The following ASAH2 variants were observed in gnomAD, a reference collection of about 807,000 sequenced individuals.
ASAH2 encodes the protein neutral ceramidase.
ASAH2 carries 58 observed loss-of-function variants against 82.9 expected under a neutral mutation model. The ratio of observed to expected loss-of-function variants is 0.70; its 90% CI spans 0.57 to 0.87. ASAH2 has a LOEUF of 0.87. Among genes scored for constraint, ASAH2 ranks in the 40% least tolerant of loss-of-function variants. ASAH2 has a pLI of 0.00. For missense variants in ASAH2, 779 were observed against 834.0 expected (o/e 0.93, Z 0.81); for synonymous variants, 276 against 289.7 (o/e 0.95, Z 0.48).
intron 7 of ASAH2, among the ~76,000 whole-genome samples, chr10:50,230,886 T>A (rs958972283): frequency 3.8e-4 from 57 of 151,570 alleles, no homozygotes; most frequent in African/African-American, 1.4e-3. Context: ...CAAAAAATTT[T>A]AAAAAATAGC....
intron 7 of ASAH2, among the ~76,000 whole-genome samples, chr10:50,220,226 T>A (rs1845705395): frequency 6.6e-6 from 1 of 152,226 alleles, no homozygotes; most frequent in South Asian, 2.1e-4. Context: ...TTGTTGGTTG[T>A]AATAAATGAT....
chr10:50,193,153 C>T (rs1474002052), intron 18 of ASAH2, among the ~76,000 whole-genome samples: 75 of 140,336 alleles, frequency 5.3e-4, no homozygotes, highest in African/African-American at 1.8e-3. Context: ...ATTTATCCTC[C>T]CCCCTGAAAC....
At chr10:50,200,547 T>G (rs1468574278) in intron 16 of ASAH2, among the ~76,000 whole-genome samples, 66 of 152,184 alleles carry the variant, frequency 4.3e-4, no homozygotes, top group African/African-American at 1.5e-3. Context: ...GTCCCAGTCC[T>G]CAAATACCCA....
At chr10:50,229,624 C>G (rs1845976934) in intron 7 of ASAH2, among the ~76,000 whole-genome samples, 1 of 152,138 alleles carries the variant, frequency 6.6e-6, no homozygotes, top group Admixed American at 6.6e-5. Context: ...GTCATGCCAT[C>G]TAATCTCTAT....
chr10:50,218,102 T>C (rs1184725663), intron 8 of ASAH2, among the ~76,000 whole-genome samples: 6 of 150,190 alleles, frequency 4.0e-5, no homozygotes, highest in African/African-American at 1.5e-4. Flanking sequence ...CCAGCTTGGG[T>C]GATAGAGTGA....
intron 3 of ASAH2, among the ~76,000 whole-genome samples, chr10:50,243,779 C>T (rs1846371120): frequency 6.6e-6 from 1 of 152,156 alleles, no homozygotes; most frequent in African/African-American, 2.4e-5. Flanking sequence ...TCCCACATTG[C>T]CCAGGAACAT....
intron 8 of ASAH2, among the ~76,000 whole-genome samples, chr10:50,217,572 G>GA (rs1845638624): frequency 6.6e-6 from 1 of 152,230 alleles, no homozygotes; most frequent in Admixed American, 6.5e-5. Flanking sequence ...AATATTCTGA[G>GA]AAAATTTTTA....
chr10:50,247,255 C>A (rs1403350433), intron 2 of ASAH2, among the ~76,000 whole-genome samples: 2 of 151,806 alleles, frequency 1.3e-5, no homozygotes, highest in African/African-American at 4.8e-5. Flanking sequence ...TGGGTTCAAG[C>A]GATTCTCCTG....
intron 7 of ASAH2, among the ~76,000 whole-genome samples, chr10:50,221,937 A>T (rs1845760658): frequency 6.6e-6 from 1 of 152,152 alleles, no homozygotes. Context: ...GTCTTAAAAG[A>T]TGAGGAAGAG....
Position 50,236,021 on chromosome 10 carries a change from C to A in ASAH2, c.554G>T (p.Arg185Ile). The change falls in exon 5 of 21, where the codon AGA becomes ATA. Residue 185 changes from arginine (R) to isoleucine (I), a missense_variant. Arg to Ile is a moderately conservative substitution (Grantham distance 97, BLOSUM62 -3). Around this residue, in one of 3 missense-constraint regions of ASAH2, gnomAD observed 759 missense variants for 755.2 expected, o/e 1.00. Transcript: ENST00000682911. The part of the protein sequence containing the change: ...LQSKYGSLYR[R>I]DNVILSGTHT... ...AGTGCCACTCAGGATGACATTATCT[C>A]TTCTGTACAGGGAGCCATATTTACT... 4 of 1,613,278 alleles carry A rather than the reference C, an allele frequency of 2.5e-6. No individual in the cohort carries two copies. Among genetic ancestry groups the A allele is most frequent in the Non-Finnish European group, 3.4e-6 (4 of 1,179,422 alleles).
intron 18 of ASAH2, among the ~76,000 whole-genome samples, chr10:50,193,499 A>G (rs75207790): frequency 0.94 from 140,535 of 149,438 alleles, 66,469 homozygotes; most frequent in East Asian, 1. Flanking sequence ...CTGGAAGCCA[A>G]GAAAAGAATG....
intron 4 of ASAH2, among the ~76,000 whole-genome samples, chr10:50,241,448 G>C (rs1202840181): frequency 2.0e-5 from 3 of 151,984 alleles, no homozygotes; most frequent in African/African-American, 7.3e-5. Context: ...GAGATGAATT[G>C]TGACATATTT....
intron 4 of ASAH2, among the ~76,000 whole-genome samples, chr10:50,239,091 C>T (rs929003958): frequency 3.3e-5 from 5 of 152,166 alleles, no homozygotes; most frequent in African/African-American, 1.2e-4. Flanking sequence ...CTCACTGACA[C>T]TCTTGGGAGC....
At position 50,202,742 on chromosome 10, in the gene ASAH2, GGAA is replaced by G; in HGVS notation, c.1761+84_1761+86del. On this transcript the variant is annotated intron_variant, in intron 16 of 20. Transcript: ENST00000682911. ...TAATCATCTCTCAGAAACATGACTG[GGAA>G]AGTTTACAAAGCAAGTCTGCATTTG... is the stretch of plus-strand genomic sequence containing the variant. The G allele has an allele frequency of 3.2e-6, 3 of 938,612 alleles. No individual in the cohort carries two copies. In the South Asian group the frequency reaches 3.9e-5, roughly 12 times the overall value. 58.1% of individuals were successfully genotyped at this position (938,612 alleles called of 1,614,324 possible).
chr10:50,209,749 A>G (rs1845402908), intron 12 of ASAH2, among the ~76,000 whole-genome samples: 1 of 152,234 alleles, frequency 6.6e-6, no homozygotes, highest in South Asian at 2.1e-4. Flanking sequence ...CATTTCTCCA[A>G]GGGAGATATA....
chr10:50,245,571 A>G lies in ASAH2; in HGVS notation c.128-117T>C, dbSNP rs561284314. 3.2e-4 allele frequency: 279 copies of G among 883,372 alleles called. 2 individuals are homozygous for G. In the South Asian group the frequency reaches 4.0e-3, roughly 13 times the overall value. 54.7% of individuals were successfully genotyped at this position (883,372 alleles called of 1,614,324 possible). On this transcript the variant is annotated intron_variant, in intron 2 of 20. Transcript: ENST00000682911. ...AGGAAAACTCTTTATATATTTTCTT[A>G]TACATAAAAATATATAGACAGGAAC... is the stretch of plus-strand genomic sequence containing the variant.
At chr10:50,195,651 A>C (rs1458029600) in intron 18 of ASAH2, among the ~76,000 whole-genome samples, 5 of 151,908 alleles carry the variant, frequency 3.3e-5, no homozygotes, top group African/African-American at 1.2e-4. Context: ...CTAAGTGTTC[A>C]TCAATGGATG....
intron 7 of ASAH2, among the ~76,000 whole-genome samples, chr10:50,223,917 T>C (rs544725143): frequency 6.6e-4 from 101 of 152,268 alleles, no homozygotes; most frequent in African/African-American, 2.2e-3. Flanking sequence ...AAGAGATGCA[T>C]GGAACAGATT....
chr10:50,242,456 C>T (rs1040628739), intron 4 of ASAH2, among the ~76,000 whole-genome samples: 3 of 152,172 alleles, frequency 2.0e-5, no homozygotes, highest in Admixed American at 6.5e-5. Flanking sequence ...ATGCTCCAGC[C>T]GCTCTTCTTT....
Sources: gnomAD v4.1 joint callset for allele counts (sites outside exome capture counted in the v4.1 genomes callset) on GRCh38, gnomAD v4.1.1 for gene constraint, gnomAD v4.1.1 regional missense constraint, MANE v1.5 for transcripts, NCBI Gene and HGNC (gene_info 2026-07-23, HGNC 2026-07-21) for gene names.